Variants in B4GALNT2 observed in about 807,000 individuals in gnomAD.
B4GALNT2 encodes N-acetylneuraminylgalactosylglucosyl-glucoside beta-1,4-N- acetylgalactosaminyltransferase 2.
A neutral mutation model predicts 51.1 loss-of-function variants in B4GALNT2; 42 were observed. That is an observed-to-expected ratio of 0.82 (90% CI 0.64 to 1.06). B4GALNT2 has a LOEUF of 1.06. Ranked by LOEUF, B4GALNT2 falls within the 50% of genes least tolerant of loss-of-function variation. The pLI, the probability that B4GALNT2 is intolerant of heterozygous loss-of-function variation, is 0.00. For missense variants in B4GALNT2, 602 were observed against 633.6 expected, an observed-to-expected ratio of 0.95 and a Z score of 0.54; for synonymous variants, 253 against 251.7, an observed-to-expected ratio of 1.01 and a Z score of -0.05.
At chr17:49,134,772 G>A (rs28552496) in intron 1 of B4GALNT2, among the ~76,000 whole-genome samples, 3,294 of 152,124 alleles carry the variant, frequency 0.022, 125 homozygotes, top group African/African-American at 0.075. Flanking sequence ...TGTATTTTTA[G>A]TAGAGACAGG....
intron 1 of B4GALNT2, among the ~76,000 whole-genome samples, chr17:49,138,984 G>A (rs556151095): frequency 6.6e-6 from 1 of 152,036 alleles, no homozygotes; most frequent in South Asian, 2.1e-4. Flanking sequence ...TCTTGGCAGG[G>A]GGTCTAGAAC....
chr17:49,169,697 A>G lies in B4GALNT2; in HGVS notation c.1490A>G (p.Tyr497Cys), dbSNP rs1303375905. 5.0e-6 allele frequency: 8 copies of G among 1,595,842 alleles called. No homozygotes were observed. Among genetic ancestry groups the G allele is most frequent in the Non-Finnish European group, 6.8e-6 (8 of 1,169,052 alleles). ...GTCCAGTTCAAGCTGGCCCTCCACT[A>G]CTTCAAGAACCATCTCCAATGTGCC... ...TRVQFKLALH[Y>C]FKNHLQCAA is the part of the protein sequence containing the mutation. Residue 497 changes from tyrosine to cysteine, a missense_variant, in exon 11 of 11, where the codon TAC (tyrosine) becomes TGC (cysteine). Coordinates refer to ENST00000393354, the MANE Select transcript of B4GALNT2 (RefSeq NM_001159387.2).
In B4GALNT2 at chr17:49,141,454, G is replaced by T. The variant is rs923416742; in HGVS notation, c.215+7G>T. The stretch of plus-strand genomic sequence containing the variant: ...TTTCCTACGATGGAATCTGGTGAGA[G>T]ACTGCGTGTTCTTTCTTTCACCTTA... On this transcript the variant is annotated splice_region_variant and intron_variant, in intron 2 of 10. Coordinates refer to ENST00000393354, the MANE Select transcript of B4GALNT2 (RefSeq NM_001159387.2). 6.2e-7 allele frequency: 1 copy of T among 1,613,302 alleles called. No homozygotes were observed. The highest frequency in any genetic ancestry group is 8.5e-7 in the Non-Finnish European group (1 of 1,179,532).
At position 49,141,364 on chromosome 17, in the gene B4GALNT2, C is replaced by T; in HGVS notation, c.132C>T (p.Leu44=). Residue 44 remains leucine, a synonymous_variant, in exon 2 of 11, where the codon CTC becomes CTT. Coordinates refer to ENST00000393354, the MANE Select transcript of B4GALNT2 (RefSeq NM_001159387.2). The stretch of plus-strand genomic sequence containing the variant: ...TGTTCAGCAGCCCCAAGCCAGAACT[C>T]CCAAGTCCTGCCCCGGGTGTCCAGA... ...QAVFSSPKPE[L]PSPAPGVQKL... is the part of the protein sequence containing the mutation. 6.2e-7 allele frequency: 1 copy of T among 1,614,162 alleles called. No homozygotes were observed. Among genetic ancestry groups the T allele is most frequent in the Non-Finnish European group, 8.5e-7 (1 of 1,180,018 alleles).
intron 1 of B4GALNT2, among the ~76,000 whole-genome samples, chr17:49,140,396 G>A (rs1263667842): frequency 3.3e-5 from 5 of 152,028 alleles, no homozygotes; most frequent in Non-Finnish European, 7.4e-5. Context: ...CACCACACCC[G>A]GCATATGTGG....
chr17:49,163,424 C>G lies in B4GALNT2; in HGVS notation c.767-664C>G, dbSNP rs562598369. Among the ~76,000 whole-genome samples, 14 of 141,804 alleles carry G rather than the reference C, an allele frequency of 9.9e-5. No homozygotes were observed. In the South Asian group the frequency reaches 3.4e-3, roughly 34 times the overall value. The allele number at this position is 141,804 out of a possible 152,430, so 93.0% of individuals were successfully genotyped here. On this transcript the variant is annotated intron_variant, in intron 7 of 10. Transcript: ENST00000393354. ...GGCTTCATGACCCTCCATATTGAAC[C>G]CTTAGATGGGCAAAGCTCTGTGCAT...
intron 3 of B4GALNT2, among the ~76,000 whole-genome samples, chr17:49,147,811 T>G (rs1314126900): frequency 6.6e-6 from 1 of 151,952 alleles, no homozygotes; most frequent in African/African-American, 2.4e-5. Context: ...TTCCACACTA[T>G]TTTTAAATAC....
Position 49,169,769 on chromosome 17 carries a change from T to C in B4GALNT2, c.*41T>C, listed in dbSNP as rs1432514656. 1 of 1,504,530 alleles carries C rather than the reference T, an allele frequency of 6.6e-7. No individual in the cohort carries two copies. Among genetic ancestry groups the C allele is most frequent in the African/African-American group, 1.4e-5 (1 of 71,956 alleles). 93.2% of individuals were successfully genotyped at this position (1,504,530 alleles called of 1,614,324 possible). Reference sequence around the variant, plus strand: ...GGAGAAACACTAGGCTGGCTGGTTATGGTATCTATAGCAGGCCACCAAAAA... The same window carrying C: ...GGAGAAACACTAGGCTGGCTGGTTACGGTATCTATAGCAGGCCACCAAAAA... On this transcript the variant is annotated 3_prime_UTR_variant, in exon 11 of 11. Coordinates refer to ENST00000393354, the MANE Select transcript of B4GALNT2 (RefSeq NM_001159387.2).
the B4GALNT2 span, among the ~76,000 whole-genome samples, chr17:49,127,169 T>C: frequency 5.9e-5 from 9 of 152,368 alleles, no homozygotes; most frequent in East Asian, 1.3e-3. Context: ...GATTCTTTTT[T>C]ATATAAATTA....
intron 1 of B4GALNT2, among the ~76,000 whole-genome samples, chr17:49,134,072 C>T (rs1418241906): frequency 6.6e-6 from 1 of 152,172 alleles, no homozygotes; most frequent in African/African-American, 2.4e-5. Flanking sequence ...CCAACTTCCC[C>T]CACTCCACAA....
Position 49,132,812 on chromosome 17 carries a change from T to C in B4GALNT2, c.14+6T>C. 1 of 1,368,952 alleles carries C rather than the reference T, an allele frequency of 7.3e-7. No individual in the cohort carries two copies. The highest frequency in any genetic ancestry group is 3.1e-5 in the East Asian group (1 of 32,462). The allele number at this position is 1,368,952 out of a possible 1,614,324, so 84.8% of individuals were successfully genotyped here. ...TTCGGGATGACTTCGGGCGGGTGAG[T>C]GTCCCCGGGGCAGAGCAGAGCGAGA... On this transcript the variant is annotated splice_donor_region_variant and intron_variant, in intron 1 of 10. Coordinates refer to ENST00000393354, the MANE Select transcript of B4GALNT2 (RefSeq NM_001159387.2).
At chr17:49,149,076 G>A (rs2042725488) in intron 3 of B4GALNT2, 1 of 151,772 alleles carries the variant, frequency 6.6e-6, no homozygotes, top group African/African-American at 2.4e-5. Context: ...AAAAGGAGTT[G>A]ATAAATGCAT....
intron 5 of B4GALNT2, 49 bp downstream of exon 5, chr17:49,156,652 TC>T: frequency 6.3e-7 from 1 of 1,591,762 alleles, no homozygotes; most frequent in Non-Finnish European, 8.6e-7. Flanking sequence ...CTGTCCTCAT[TC>T]CCTCAACTGT....
chr17:49,164,325 C>A, intron 8 of B4GALNT2, 50 bp downstream of exon 8: 1 of 1,539,730 alleles, frequency 6.5e-7, no homozygotes, highest in Non-Finnish European at 9.0e-7. Context: ...ACAAGAGGGC[C>A]CCAGGGTCAG....
chr17:49,134,864 T>C (rs141885360), intron 1 of B4GALNT2, among the ~76,000 whole-genome samples: 12 of 152,230 alleles, frequency 7.9e-5, no homozygotes, highest in Admixed American at 3.3e-4. Flanking sequence ...GTGCTGGGAG[T>C]ACAGACATGA....
At chr17:49,143,615 G>T (rs2042665898) in intron 3 of B4GALNT2, among the ~76,000 whole-genome samples, 1 of 152,214 alleles carries the variant, frequency 6.6e-6, no homozygotes, top group Non-Finnish European at 1.5e-5. Context: ...GACTTTTGAA[G>T]CTAGCCACTG....
intron 3 of B4GALNT2, among the ~76,000 whole-genome samples, chr17:49,146,330 G>A (rs540897104): frequency 1.2e-4 from 19 of 152,116 alleles, no homozygotes; most frequent in African/African-American, 4.3e-4. Context: ...TTTTTTTCAA[G>A]ATGGAGTTTT....
At chr17:49,156,472 A>G in intron 4 of B4GALNT2, 94 bp from the exon 5 acceptor site, 1 of 1,339,126 alleles carries the variant, frequency 7.5e-7, no homozygotes, top group Non-Finnish European at 1.1e-6. Context: ...GGAGCTCTCA[A>G]GGATGTGCAG....
chr17:49,158,492 G>C (rs2144322852), intron 5 of B4GALNT2, among the ~76,000 whole-genome samples: 1 of 152,236 alleles, frequency 6.6e-6, no homozygotes, highest in South Asian at 2.1e-4. Flanking sequence ...AAACAAATTA[G>C]CCACGTGTGG....
Sources: gnomAD v4.1 joint callset for allele counts (sites outside exome capture counted in the v4.1 genomes callset) on GRCh38, gnomAD v4.1.1 for gene constraint, MANE v1.5 for transcripts, NCBI Gene and HGNC (gene_info 2026-07-23, HGNC 2026-07-21) for gene names.